WAPL: variants seen among roughly 807,000 people sequenced by gnomAD.
WAPL encodes WAPL cohesin release factor.
WAPL carries 5 observed loss-of-function variants against 121.0 expected under a neutral mutation model. The observed-to-expected ratio is 0.04, with a 90% CI of 0.02 to 0.09. The LOEUF (loss-of-function observed/expected upper bound fraction) is 0.09. WAPL is among the 10% of genes least tolerant of loss of function. WAPL has a pLI of 1.00. For missense variants in WAPL, 999 were observed against 1,410.8 expected (o/e 0.71, Z 4.68); for synonymous variants, 480 against 481.5 (o/e 1.00, Z 0.04).
At chr10:86,505,181 ATTTTTTTATG>A (rs1842322195) in intron 2 of WAPL, among the ~76,000 whole-genome samples, 3 of 43,498 alleles carry the variant, frequency 6.9e-5, no homozygotes, top group Admixed American at 5.0e-4. Flanking sequence ...TAGAGACAGG[ATTTTTTTATG>A]TTTTTTTTAT....
At chr10:86,450,033 G>C (rs929478906) in intron 15 of WAPL, among the ~76,000 whole-genome samples, 4 of 152,142 alleles carry the variant, frequency 2.6e-5, no homozygotes, top group Non-Finnish European at 5.9e-5. Context: ...AAGGTCTAAA[G>C]TGCAGTTAAC....
intron 1 of WAPL, 99 bp downstream of exon 1, chr10:86,521,266 G>A (rs1193939581): frequency 1.7e-5 from 4 of 236,382 alleles, no homozygotes; most frequent in Non-Finnish European, 2.5e-5. Context: ...CGGCCCGGTG[G>A]GCGAGGCAGT....
At chr10:86,487,094 C>A (rs186652974) in intron 4 of WAPL, among the ~76,000 whole-genome samples, 8 of 152,112 alleles carry the variant, frequency 5.3e-5, no homozygotes, top group African/African-American at 1.9e-4. Context: ...AAAACACAAC[C>A]AACCCCGCAA....
intron 2 of WAPL, among the ~76,000 whole-genome samples, chr10:86,512,334 T>A (rs1244877249): frequency 6.6e-6 from 1 of 152,260 alleles, no homozygotes; most frequent in South Asian, 2.1e-4. Flanking sequence ...TAAGAGCCTA[T>A]GCTGTAGTTA....
At chr10:86,469,442 T>TG (rs1841483751) in intron 8 of WAPL, among the ~76,000 whole-genome samples, 1 of 151,556 alleles carries the variant, frequency 6.6e-6, no homozygotes, top group African/African-American at 2.4e-5. Flanking sequence ...TTAGTAGAGA[T>TG]GGGGTTTCAC....
rs1564568058 is a variant in WAPL at position 86,460,469 on chromosome 10, C to T, written c.2510G>A (p.Arg837Lys). Residue 837 changes from arginine (R) to lysine (K), a missense_variant, in exon 11 of 19, where the codon AGA (arginine) becomes AAA (lysine). By Grantham distance (26) the Arg-to-Lys change is conservative. Coordinates refer to ENST00000298767, the MANE Select transcript of WAPL (RefSeq NM_015045.5). ...TACCAGTTTCTCTTCATCCTCATCT[C>T]TACTTAAATGATCCACACATTCTTT... ...KVKECVDHLSRDEDEEKLVAS... is the reference protein window; with the variant it reads ...KVKECVDHLSKDEDEEKLVAS... 1 of 1,613,570 alleles carries T rather than the reference C, an allele frequency of 6.2e-7. No homozygotes were observed. The highest frequency in any genetic ancestry group is 1.3e-5 in the African/African-American group (1 of 75,042).
In WAPL at chr10:86,472,657, G is replaced by A. The variant is rs1589513584; in HGVS notation, c.1848C>T (p.Tyr616=). 6.2e-7 allele frequency: 1 copy of A among 1,613,794 alleles called. No homozygotes were observed. Among genetic ancestry groups the A allele is most frequent in the African/African-American group, 1.3e-5 (1 of 74,886 alleles). ...ATTTCAGTGCAGTAACTATATCTTG[G>A]TAGGGCTGAGTAGGTATTGTCACAG... is the stretch of plus-strand genomic sequence containing the variant. ...IKTVTIPTQP[Y]QDIVTALKCR... Residue 616 remains tyrosine, a synonymous_variant, in exon 6 of 19, where the codon TAC becomes TAT. Coordinates refer to ENST00000298767, the MANE Select transcript of WAPL (RefSeq NM_015045.5). This position sits in a 1 kb window ranked among gnomAD's most constrained non-coding sequence, Gnocchi z 4.2.
rs199682679 is a variant in WAPL at position 86,514,872 on chromosome 10, G to A, written c.499+2699C>T. Among the ~76,000 whole-genome samples, 18 of 152,294 alleles carry A rather than the reference G, an allele frequency of 1.2e-4. No homozygotes were observed. The East Asian group carries it at 3.5e-3, about 29-fold the overall frequency. On this transcript the variant is annotated intron_variant, in intron 2 of 18. Transcript: ENST00000298767. ...CTCAAAAGACCATACACTTAAGGAA[G>A]ATGGAGTCAGCCCTGAGCACTTTCA...
At chr10:86,509,697 T>C (rs1842418274) in intron 2 of WAPL, among the ~76,000 whole-genome samples, 1 of 151,862 alleles carries the variant, frequency 6.6e-6, no homozygotes, top group Non-Finnish European at 1.5e-5. Context: ...AGTTGAGTAC[T>C]ACTTCCTAAA....
intron 2 of WAPL, among the ~76,000 whole-genome samples, chr10:86,509,031 C>A (rs901690758): frequency 6.6e-6 from 1 of 152,220 alleles, no homozygotes; most frequent in African/African-American, 2.4e-5. Flanking sequence ...GCGTAAGCCA[C>A]CGCGCCCGGC....
Position 86,472,130 on chromosome 10 carries a change from G to T in WAPL, c.2030+78C>A. ...CATCATAACAAAATAAAAAATGTTT[G>T]GCTTTTTGGACAACACCTAGTTGAA... On this transcript the variant is annotated intron_variant, in intron 7 of 18. Transcript: ENST00000298767. The surrounding 1 kb of genome is among the most constrained non-coding windows in gnomAD (Gnocchi z 4.2). 1 of 1,382,852 alleles carries T rather than the reference G, an allele frequency of 7.2e-7. No homozygotes were observed. The highest frequency in any genetic ancestry group is 9.6e-7 in the Non-Finnish European group (1 of 1,038,320). The allele number at this position is 1,382,852 out of a possible 1,614,324, so 85.7% of individuals were successfully genotyped here. A position where few individuals can be genotyped will look rare whatever the true frequency, so the allele number is the denominator to read the frequency against.
In WAPL at chr10:86,455,391, G is replaced by A. The variant is rs1037351872; in HGVS notation, c.2658-1560C>T. Among the ~76,000 whole-genome samples, 162 of 152,200 alleles carry A rather than the reference G, an allele frequency of 1.1e-3. 1 individual carries two copies. Among genetic ancestry groups the A allele is most frequent in the African/African-American group, 3.8e-3 (157 of 41,526 alleles). ...AATCTGCAAACTTACCCCCAACCCC[G>A]TGCTCTCTGAAACATGTGCTGTGTC... On this transcript the variant is annotated intron_variant, in intron 12 of 18. Coordinates refer to ENST00000298767, the MANE Select transcript of WAPL (RefSeq NM_015045.5).
intron 2 of WAPL, among the ~76,000 whole-genome samples, chr10:86,512,065 C>G (rs1041418785): frequency 6.6e-6 from 1 of 152,202 alleles, no homozygotes; most frequent in African/African-American, 2.4e-5. Flanking sequence ...CTGATACTAT[C>G]CTTTCAGGAC....
intron 9 of WAPL, among the ~76,000 whole-genome samples, chr10:86,465,916 T>C (rs149957315): frequency 1.7e-4 from 26 of 152,330 alleles, no homozygotes; most frequent in African/African-American, 5.3e-4. Context: ...CAGGTTATTA[T>C]ACAATAAACA....
At chr10:86,504,631 G>A (rs952624462) in intron 2 of WAPL, among the ~76,000 whole-genome samples, 3 of 150,298 alleles carry the variant, frequency 2.0e-5, no homozygotes, top group Non-Finnish European at 4.4e-5. Context: ...GAGCCCCGTC[G>A]ACAGAGCGAG....
chr10:86,454,635 A>G (rs891563062), intron 12 of WAPL, among the ~76,000 whole-genome samples: 1 of 152,206 alleles, frequency 6.6e-6, no homozygotes, highest in Non-Finnish European at 1.5e-5. Flanking sequence ...CGGAGACTGC[A>G]GCCTCTGCCC....
intron 2 of WAPL, among the ~76,000 whole-genome samples, chr10:86,503,472 G>A (rs10887619): frequency 0.6 from 91,178 of 151,706 alleles, 30,221 homozygotes; most frequent in Non-Finnish European, 0.75. Flanking sequence ...AACAAACTTC[G>A]CCGGGTGTGG....
At position 86,446,201 on chromosome 10, in the gene WAPL, C is replaced by G. The variant is rs759589693; in HGVS notation, c.3322+41G>C. The G allele has an allele frequency of 3.1e-6, 5 of 1,601,268 alleles. No homozygotes were observed. In the East Asian group the frequency reaches 6.7e-5, roughly 22 times the overall value. ...TTTGAAGAAAAAAACAAAATCAAACCACTATCTTCAATTTAAATACACCAT... is the reference window on the plus strand; with the variant it reads ...TTTGAAGAAAAAAACAAAATCAAACGACTATCTTCAATTTAAATACACCAT... On this transcript the variant is annotated intron_variant, in intron 16 of 18. Coordinates refer to ENST00000298767, the MANE Select transcript of WAPL (RefSeq NM_015045.5).
intron 11 of WAPL, among the ~76,000 whole-genome samples, chr10:86,460,129 A>C (rs1199074427): frequency 3.3e-5 from 5 of 152,138 alleles, no homozygotes; most frequent in Admixed American, 2.0e-4. Context: ...TAATAATAAA[A>C]ATAATAAAAT....
Sources: gnomAD v4.1 joint callset for allele counts (sites outside exome capture counted in the v4.1 genomes callset) on GRCh38, gnomAD v4.1.1 for gene constraint, Gnocchi (gnomAD v3.1) non-coding constraint, MANE v1.5 for transcripts, NCBI Gene and HGNC (gene_info 2026-07-23, HGNC 2026-07-21) for gene names.